Variants in ADK observed in about 807,000 individuals in gnomAD.
ADK encodes the protein N6,N6-dimethyladenosine kinase.
A neutral mutation model predicts 44.7 loss-of-function variants in ADK; 24 were observed. The ratio of observed to expected loss-of-function variants is 0.54; its 90% CI spans 0.39 to 0.76. The LOEUF (loss-of-function observed/expected upper bound fraction) is 0.76, where lower values mean the gene tolerates loss of function less well. Ranked by LOEUF, ADK falls within the 30% of genes least tolerant of loss-of-function variation. The probability of loss-of-function intolerance (pLI) is 0.00; values close to 1 mark genes in which losing one functional copy is unlikely to be tolerated. For missense variants in ADK, 321 were observed against 425.1 expected, an observed-to-expected ratio of 0.76 and a Z score of 2.15; for synonymous variants, 128 against 142.6, an observed-to-expected ratio of 0.90 and a Z score of 0.73.
At position 74,541,604 on chromosome 10, in the gene ADK, T is replaced by A. The variant is rs180862624; in HGVS notation, c.726+16178T>A. On this transcript the variant is annotated intron_variant, in intron 7 of 10. Transcript: ENST00000539909. ...TTATAGGAATACCATAGAAACAGCCTGGGCAACATAGCAAGATGCTGTCTC... is the reference window on the plus strand; with the variant it reads ...TTATAGGAATACCATAGAAACAGCCAGGGCAACATAGCAAGATGCTGTCTC... Among the ~76,000 whole-genome samples, 252 of 152,236 alleles carry A rather than the reference T, an allele frequency of 1.7e-3. 2 individuals are homozygous for A. Among genetic ancestry groups the A allele is most frequent in the African/African-American group, 5.9e-3 (244 of 41,548 alleles).
At chr10:74,544,877 C>T (rs565427526) in intron 7 of ADK, among the ~76,000 whole-genome samples, 1 of 151,334 alleles carries the variant, frequency 6.6e-6, no homozygotes, top group African/African-American at 2.4e-5. Context: ...TAATGAAAAC[C>T]GAGGAGTTTT....
At chr10:74,369,699 G>T (rs1842600258) in intron 4 of ADK, among the ~76,000 whole-genome samples, 1 of 146,580 alleles carries the variant, frequency 6.8e-6, no homozygotes, top group Non-Finnish European at 1.5e-5. Flanking sequence ...ACTGGTGAAT[G>T]TCTGAATGCT....
chr10:74,201,689 T>C (rs1384571731), intron 2 of ADK, among the ~76,000 whole-genome samples: 3 of 93,926 alleles, frequency 3.2e-5, no homozygotes, highest in Non-Finnish European at 4.4e-5. Context: ...TCTATCTATC[T>C]ATCTATCTAT....
At chr10:74,294,033 G>C (rs1030211523) in intron 3 of ADK, among the ~76,000 whole-genome samples, 2 of 152,150 alleles carry the variant, frequency 1.3e-5, no homozygotes, top group Non-Finnish European at 2.9e-5. Context: ...CATATAGTGT[G>C]TACTTTTTGT....
chr10:74,367,440 A>C (rs1388856344), intron 4 of ADK, among the ~76,000 whole-genome samples: 1 of 152,170 alleles, frequency 6.6e-6, no homozygotes, highest in Non-Finnish European at 1.5e-5. Flanking sequence ...GATTTTTATC[A>C]TACTCTCAAA....
intron 3 of ADK, among the ~76,000 whole-genome samples, chr10:74,312,561 A>T (rs572308795): frequency 6.6e-5 from 10 of 152,004 alleles, no homozygotes; most frequent in East Asian, 1.9e-4. Flanking sequence ...AACACCAGTT[A>T]AAAAAATCCT....
chr10:74,406,473 T>G (rs1270542184), intron 6 of ADK, among the ~76,000 whole-genome samples: 2 of 150,380 alleles, frequency 1.3e-5, no homozygotes, highest in African/African-American at 4.9e-5. Context: ...GTTTTCTCTT[T>G]CCACCTCCAT....
intron 4 of ADK, chr10:74,371,468 C>A: frequency 1.5e-6 from 1 of 650,840 alleles, no homozygotes; most frequent in Non-Finnish European, 2.7e-6. Context: ...TTTCACACTA[C>A]CCACATAGAC....
intron 7 of ADK, among the ~76,000 whole-genome samples, chr10:74,554,164 A>G (rs769391760): frequency 1.3e-5 from 2 of 152,160 alleles, no homozygotes; most frequent in Non-Finnish European, 2.9e-5. Context: ...TGTTCTTCCC[A>G]TGAAAGGGTA....
chr10:74,659,672 C>T (rs1439717478), intron 9 of ADK, among the ~76,000 whole-genome samples: 1 of 152,096 alleles, frequency 6.6e-6, no homozygotes, highest in Non-Finnish European at 1.5e-5. Context: ...CACAATAGAC[C>T]ACCTACAAGC....
chr10:74,480,484 G>A (rs1241009042), intron 6 of ADK, among the ~76,000 whole-genome samples: 1 of 151,872 alleles, frequency 6.6e-6, no homozygotes, highest in Non-Finnish European at 1.5e-5. Flanking sequence ...CTGCTATGTT[G>A]CCCAGGCTGT....
intron 2 of ADK, among the ~76,000 whole-genome samples, chr10:74,218,608 C>T (rs1844161952): frequency 6.6e-6 from 1 of 152,092 alleles, no homozygotes; most frequent in South Asian, 2.1e-4. Context: ...ATGTTAAGGG[C>T]AGCCAGAGAG....
At chr10:74,415,881 T>C (rs921368145) in intron 6 of ADK, among the ~76,000 whole-genome samples, 1 of 152,084 alleles carries the variant, frequency 6.6e-6, no homozygotes, top group Non-Finnish European at 1.5e-5. Context: ...GTCTTTATTG[T>C]TGGCATGTAA....
chr10:74,355,430 A>G (rs1371499238), intron 4 of ADK, among the ~76,000 whole-genome samples: 1 of 152,236 alleles, frequency 6.6e-6, no homozygotes, highest in South Asian at 2.1e-4. Flanking sequence ...GCCTTGTGCA[A>G]TCAAGAATTA....
chr10:74,631,489 C>G (rs1482421401), intron 9 of ADK, among the ~76,000 whole-genome samples: 1 of 151,414 alleles, frequency 6.6e-6, no homozygotes, highest in Non-Finnish European at 1.5e-5. Context: ...AACTCCTGAC[C>G]TCAGGTGATC....
chr10:74,331,569 C>T (rs571603309), intron 4 of ADK, among the ~76,000 whole-genome samples: 10 of 152,242 alleles, frequency 6.6e-5, no homozygotes, highest in South Asian at 2.1e-4. Context: ...CTGCAACTTC[C>T]GCCTCCTGGG....
intron 3 of ADK, among the ~76,000 whole-genome samples, chr10:74,311,381 A>G (rs1254421669): frequency 1.3e-5 from 2 of 152,204 alleles, no homozygotes; most frequent in Admixed American, 1.3e-4. Flanking sequence ...GAAGACTTCT[A>G]ATTTTGGGAA....
intron 6 of ADK, among the ~76,000 whole-genome samples, chr10:74,424,773 T>C (rs1206578638): frequency 2.6e-5 from 4 of 152,122 alleles, no homozygotes; most frequent in Non-Finnish European, 5.9e-5. Context: ...TATTGGTAAT[T>C]GTATCTTCAG....
chr10:74,350,426 G>A (rs1227919797), intron 4 of ADK, among the ~76,000 whole-genome samples: 5 of 152,104 alleles, frequency 3.3e-5, no homozygotes, highest in African/African-American at 9.7e-5. Flanking sequence ...TGTTAAGAGG[G>A]ATATTTATAG....
Sources: gnomAD v4.1 joint callset for allele counts (sites outside exome capture counted in the v4.1 genomes callset) on GRCh38, gnomAD v4.1.1 for gene constraint, MANE v1.5 for transcripts, NCBI Gene and HGNC (gene_info 2026-07-23, HGNC 2026-07-21) for gene names.